ASPH: variants seen among roughly 807,000 people sequenced by gnomAD.
The protein encoded by ASPH is aspartate beta-hydroxylase.
ASPH carries 100 observed loss-of-function variants against 118.4 expected under a neutral mutation model. The ratio of observed to expected loss-of-function variants is 0.84; its 90% CI spans 0.72 to 1.00. The LOEUF is 1.00. Ranked by LOEUF, ASPH falls within the 50% of genes least tolerant of loss-of-function variation. The probability of loss-of-function intolerance (pLI) is 0.00; values close to 1 mark genes in which losing one functional copy is unlikely to be tolerated. For missense variants in ASPH, 920 were observed against 919.5 expected, an observed-to-expected ratio of 1.00 and a Z score of -0.01; for synonymous variants, 315 against 325.6, an observed-to-expected ratio of 0.97 and a Z score of 0.35.
chr8:61,676,048 C>A (rs1589060003), intron 3 of ASPH: 1 of 1,597,612 alleles, frequency 6.3e-7, no homozygotes, highest in Non-Finnish European at 8.5e-7. Flanking sequence ...TGTTCATTAG[C>A]CAATGACTTC....
chr8:61,616,295 C>G (rs931706071), intron 14 of ASPH, among the ~76,000 whole-genome samples: 2 of 152,078 alleles, frequency 1.3e-5, no homozygotes, highest in African/African-American at 4.8e-5. Flanking sequence ...GGGGAAGGTA[C>G]GGGCTGCTAA....
At chr8:61,658,189 A>C (rs1814799856) in intron 3 of ASPH, 1 of 152,190 alleles carries the variant, frequency 6.6e-6, no homozygotes, top group Non-Finnish European at 1.5e-5. Flanking sequence ...GATCTTCCTC[A>C]GTATACCAAC....
intron 3 of ASPH, among the ~76,000 whole-genome samples, chr8:61,667,720 G>A (rs112176188): frequency 4.6e-5 from 7 of 152,314 alleles, no homozygotes; most frequent in African/African-American, 1.7e-4. Flanking sequence ...TCAATGTAAT[G>A]TAGGGTTATA....
At chr8:61,598,306 CA>C (rs1260877735) in intron 14 of ASPH, among the ~76,000 whole-genome samples, 1 of 151,826 alleles carries the variant, frequency 6.6e-6, no homozygotes, top group Non-Finnish European at 1.5e-5. Context: ...AATAGAAAGA[CA>C]GAAAAAGATA....
intron 22 of ASPH, among the ~76,000 whole-genome samples, chr8:61,524,776 T>C (rs1176847045): frequency 6.6e-6 from 1 of 151,354 alleles, no homozygotes; most frequent in Non-Finnish European, 1.5e-5. Flanking sequence ...TGGCAGAAAC[T>C]ACAGTTTCTA....
chr8:61,579,953 A>G (rs756136814), intron 15 of ASPH, among the ~76,000 whole-genome samples: 11 of 151,934 alleles, frequency 7.2e-5, no homozygotes, highest in Non-Finnish European at 2.9e-5. Flanking sequence ...TCGCCAAAAC[A>G]AAGGGGCTTC....
At position 61,503,425 on chromosome 8, in the gene ASPH, T is replaced by C; in HGVS notation, c.2211A>G (p.Ile737Met). ...VWQDASSFRL[I>M]FIVDVWHPEL... The stretch of plus-strand genomic sequence containing the variant: ...CCGGATGCCACACATCCACGATGAA[T>C]ATCAGCCGGAAAGATGAGGCATCCT... Residue 737 changes from isoleucine (I) to methionine (M), a missense_variant, in exon 25 of 25, where the codon ATA becomes ATG. Ile to Met is a conservative substitution (Grantham distance 10, BLOSUM62 1). Coordinates refer to ENST00000379454, the MANE Select transcript of ASPH (RefSeq NM_004318.4). 1 of 1,613,270 alleles carries C rather than the reference T, an allele frequency of 6.2e-7. No individual in the cohort carries two copies. Among genetic ancestry groups the C allele is most frequent in the South Asian group, 1.1e-5 (1 of 90,904 alleles).
chr8:61,504,824 T>C (rs1805799977), intron 24 of ASPH, among the ~76,000 whole-genome samples: 1 of 152,176 alleles, frequency 6.6e-6, no homozygotes, highest in African/African-American at 2.4e-5. Context: ...ACTGACATAC[T>C]GAATAAGTCT....
At chr8:61,578,554 T>C (rs1189342933) in intron 15 of ASPH, 3 of 1,523,114 alleles carry the variant, frequency 2.0e-6, no homozygotes, top group East Asian at 2.2e-5. Context: ...GTACGGTTCC[T>C]GGAGCAGCAG....
chr8:61,611,709 G>A (rs547681282), intron 14 of ASPH, among the ~76,000 whole-genome samples: 34 of 152,306 alleles, frequency 2.2e-4, no homozygotes, highest in African/African-American at 7.2e-4. Context: ...CTCAAAATCT[G>A]AGTATGAATT....
At chr8:61,711,467 TA>T (rs1251669554) in intron 1 of ASPH, among the ~76,000 whole-genome samples, 3 of 152,052 alleles carry the variant, frequency 2.0e-5, no homozygotes, top group African/African-American at 4.8e-5. Flanking sequence ...TTTTATATTA[TA>T]AAGAGTAAAA....
At chr8:61,508,055 C>A (rs1807327919) in intron 24 of ASPH, among the ~76,000 whole-genome samples, 1 of 152,158 alleles carries the variant, frequency 6.6e-6, no homozygotes, top group Non-Finnish European at 1.5e-5. Context: ...TGCTCTGTCA[C>A]CCAGGCTGGA....
intron 13 of ASPH, among the ~76,000 whole-genome samples, chr8:61,628,980 C>A (rs965378415): frequency 3.3e-5 from 5 of 152,196 alleles, no homozygotes; most frequent in African/African-American, 1.2e-4. Flanking sequence ...CCCTTGCCCC[C>A]AGACCTCTGG....
chr8:61,593,898 A>G (rs1441728407), intron 14 of ASPH, among the ~76,000 whole-genome samples: 1 of 152,208 alleles, frequency 6.6e-6, no homozygotes, highest in African/African-American at 2.4e-5. Flanking sequence ...GTTATTTTAG[A>G]TAAAATTCTA....
chr8:61,687,122 A>G (rs1830863309), intron 1 of ASPH, among the ~76,000 whole-genome samples: 1 of 152,132 alleles, frequency 6.6e-6, no homozygotes, highest in South Asian at 2.1e-4. Context: ...ATAATGAAAT[A>G]GCTAATAAAA....
intron 20 of ASPH, 50 bp from the exon 21 acceptor site, chr8:61,548,258 T>A: frequency 6.6e-7 from 1 of 1,517,520 alleles, no homozygotes; most frequent in Non-Finnish European, 8.9e-7. Flanking sequence ...AACAGAGCAT[T>A]TTTATTAATT....
intron 13 of ASPH, among the ~76,000 whole-genome samples, chr8:61,620,702 A>T (rs1850611295): frequency 6.6e-6 from 1 of 152,236 alleles, no homozygotes; most frequent in Admixed American, 6.5e-5. Flanking sequence ...CCAGTCCTGA[A>T]GGAGCTCTTC....
At chr8:61,656,316 C>G (rs148475324) in intron 3 of ASPH, 1 of 152,130 alleles carries the variant, frequency 6.6e-6, no homozygotes, top group Non-Finnish European at 1.5e-5. Context: ...ACAAGAAGTG[C>G]GGAGGCGGCT....
intron 14 of ASPH, among the ~76,000 whole-genome samples, chr8:61,590,227 C>T (rs935971473): frequency 2.0e-5 from 3 of 151,932 alleles, no homozygotes; most frequent in African/African-American, 4.8e-5. Context: ...GCTTTCTCCC[C>T]GTGTCTGAAG....
Sources: gnomAD v4.1 joint callset for allele counts (sites outside exome capture counted in the v4.1 genomes callset) on GRCh38, gnomAD v4.1.1 for gene constraint, MANE v1.5 for transcripts, NCBI Gene and HGNC (gene_info 2026-07-23, HGNC 2026-07-21) for gene names.